Variants in CDH13 observed in about 807,000 individuals in gnomAD.
CDH13 encodes the protein cadherin-13.
In CDH13, 24 loss-of-function variants were observed where a neutral mutation model predicts 63.8. The ratio of observed to expected loss-of-function variants is 0.38; its 90% confidence interval spans 0.27 to 0.53. The LOEUF is 0.53. Among genes scored for constraint, CDH13 ranks in the 20% least tolerant of loss-of-function variants. CDH13 has a pLI of 0.85. For synonymous variants in CDH13, 503 were observed against 355.3 expected (o/e 1.42, Z -4.67); for missense variants, 1,049 against 903.1 (o/e 1.16, Z -2.07).
intron 2 of CDH13, among the ~76,000 whole-genome samples, chr16:82,973,123 A>C (rs1883844546): frequency 1.3e-5 from 2 of 152,164 alleles, no homozygotes; most frequent in Admixed American, 6.5e-5. Context: ...TTTATTTAGA[A>C]CAATTAAATG....
chr16:83,402,704 A>C (rs550027787), intron 6 of CDH13, among the ~76,000 whole-genome samples: 9 of 152,362 alleles, frequency 5.9e-5, no homozygotes, highest in African/African-American at 2.2e-4. Context: ...GCATTAGCAT[A>C]GTGCCCAACA....
intron 6 of CDH13, among the ~76,000 whole-genome samples, chr16:83,427,616 T>C (rs914444415): frequency 4.6e-5 from 7 of 152,164 alleles, no homozygotes; most frequent in Non-Finnish European, 7.3e-5. Flanking sequence ...GAGACTCATA[T>C]AAAATACCAG....
At chr16:83,650,983 C>T (rs771275244) in intron 8 of CDH13, among the ~76,000 whole-genome samples, 4 of 151,756 alleles carry the variant, frequency 2.6e-5, no homozygotes, top group Non-Finnish European at 4.4e-5. Flanking sequence ...TGCCTGCAGT[C>T]CCAGCTACTC....
chr16:83,031,802 A>T (rs1336743727), intron 2 of CDH13, among the ~76,000 whole-genome samples: 1 of 152,166 alleles, frequency 6.6e-6, no homozygotes, highest in African/African-American at 2.4e-5. Flanking sequence ...GGAACATGCG[A>T]GTTCGTCAAG....
intron 2 of CDH13, chr16:82,884,293 G>A (rs986474278): frequency 2.3e-6 from 1 of 442,408 alleles, no homozygotes; most frequent in African/African-American, 2.0e-5. Flanking sequence ...AGTCAGCAGA[G>A]GCATGCTATT....
In CDH13 at chr16:83,165,329, C is replaced by T. The variant is rs990341422; in HGVS notation, c.483+39828C>T. Among the ~76,000 whole-genome samples the T allele has an allele frequency of 3.9e-5, 6 of 152,114 alleles. No individual in the cohort carries two copies. In the East Asian group the frequency reaches 9.7e-4, roughly 25 times the overall value. ...CTGCCTGTCTTGAAGATTCAAAATG[C>T]ACAGTAGATGATAGATGATGGATAT... On this transcript the variant is annotated intron_variant, in intron 4 of 13. Coordinates refer to ENST00000567109, the MANE Select transcript of CDH13 (RefSeq NM_001257.5).
intron 3 of CDH13, among the ~76,000 whole-genome samples, chr16:83,042,706 G>A (rs1917433014): frequency 6.6e-6 from 1 of 152,176 alleles, no homozygotes; most frequent in African/African-American, 2.4e-5. Context: ...TCCTGAAAAT[G>A]AGAGCAACAA....
At chr16:83,623,734 C>T (rs918612048) in intron 8 of CDH13, among the ~76,000 whole-genome samples, 4 of 152,166 alleles carry the variant, frequency 2.6e-5, no homozygotes, top group Non-Finnish European at 2.9e-5. Flanking sequence ...GACCCTGTGG[C>T]TGAAAAGAAA....
chr16:83,524,016 C>A (rs1029635662), intron 7 of CDH13, among the ~76,000 whole-genome samples: 87 of 152,298 alleles, frequency 5.7e-4, no homozygotes, highest in African/African-American at 2.0e-3. Flanking sequence ...GATCACAGCT[C>A]TTAATCACTT....
At chr16:83,261,079 G>A (rs1906930552) in intron 5 of CDH13, among the ~76,000 whole-genome samples, 1 of 152,036 alleles carries the variant, frequency 6.6e-6, no homozygotes, top group Admixed American at 6.6e-5. Context: ...AGGCCCCTTG[G>A]CTCACAGGTC....
intron 2 of CDH13, among the ~76,000 whole-genome samples, chr16:83,008,248 A>G (rs1913750204): frequency 6.6e-6 from 1 of 152,218 alleles, no homozygotes; most frequent in South Asian, 2.1e-4. Flanking sequence ...TAGCAGAGAA[A>G]TGTCAGGGTA....
chr16:82,955,054 T>A (rs957717719), intron 2 of CDH13, among the ~76,000 whole-genome samples: 8 of 152,218 alleles, frequency 5.3e-5, no homozygotes, highest in African/African-American at 1.9e-4. Flanking sequence ...TTTTAGTTGT[T>A]TCCACTTTGG....
intron 5 of CDH13, among the ~76,000 whole-genome samples, chr16:83,335,784 G>A (rs1290983288): frequency 1.3e-5 from 2 of 151,984 alleles, no homozygotes; most frequent in Admixed American, 6.5e-5. Flanking sequence ...CCCCAGTCAC[G>A]TACCCCCTGC....
In CDH13 at chr16:83,111,343, T is replaced by A. The variant is rs191793800; in HGVS notation, c.367-14042T>A. On this transcript the variant is annotated intron_variant, in intron 3 of 13. Coordinates refer to ENST00000567109, the MANE Select transcript of CDH13 (RefSeq NM_001257.5). ...GTGCAGTGAGAATCTAGAGAGAAAATAAGTGATTACACTTAAAGTAGAGAG... is the reference window on the plus strand; with the variant it reads ...GTGCAGTGAGAATCTAGAGAGAAAAAAAGTGATTACACTTAAAGTAGAGAG... 7.0e-4 allele frequency among the ~76,000 whole-genome samples: 106 copies of A among 152,194 alleles called. 1 individual carries two copies. The highest frequency in any genetic ancestry group is 1.8e-4 in the Non-Finnish European group (12 of 68,004).
At chr16:83,404,607 A>T (rs2092014671) in intron 6 of CDH13, among the ~76,000 whole-genome samples, 1 of 152,208 alleles carries the variant, frequency 6.6e-6, no homozygotes, top group African/African-American at 2.4e-5. Flanking sequence ...GTGTGTGCAC[A>T]CACCCCCTCA....
At chr16:82,805,951 T>C (rs951491386) in intron 1 of CDH13, among the ~76,000 whole-genome samples, 1 of 152,230 alleles carries the variant, frequency 6.6e-6, no homozygotes, top group Non-Finnish European at 1.5e-5. Flanking sequence ...GTGAAAACTT[T>C]AGCAAAGTCC....
At chr16:83,398,885 G>A (rs770221503) in intron 6 of CDH13, among the ~76,000 whole-genome samples, 1 of 152,150 alleles carries the variant, frequency 6.6e-6, no homozygotes, top group Non-Finnish European at 1.5e-5. Flanking sequence ...TTTTAAAGTT[G>A]CTAACCCTTA....
intron 1 of CDH13, among the ~76,000 whole-genome samples, chr16:82,672,395 C>T (rs990082784): frequency 7.9e-5 from 12 of 152,096 alleles, no homozygotes; most frequent in Admixed American, 7.9e-4. Context: ...ATGTATGCAC[C>T]ACCACCTTAA....
At chr16:82,981,190 A>C (rs955257332) in intron 2 of CDH13, among the ~76,000 whole-genome samples, 2 of 152,336 alleles carry the variant, frequency 1.3e-5, no homozygotes, top group African/African-American at 4.8e-5. Context: ...GGGCAATAGT[A>C]ATAAACTTCC....
Sources: gnomAD v4.1 joint callset for allele counts (sites outside exome capture counted in the v4.1 genomes callset) on GRCh38, gnomAD v4.1.1 for gene constraint, MANE v1.5 for transcripts, NCBI Gene and HGNC (gene_info 2026-07-23, HGNC 2026-07-21) for gene names.